The following NBEA variants were observed in gnomAD, a reference collection of about 807,000 sequenced individuals.
The protein encoded by NBEA is lysosomal-trafficking regulator 2.
NBEA carries 44 observed loss-of-function variants against 343.4 expected under a neutral mutation model. The observed-to-expected ratio is 0.13, with a 90% confidence interval of 0.10 to 0.16. The LOEUF (loss-of-function observed/expected upper bound fraction) is 0.16, where lower values mean the gene tolerates loss of function less well. Among genes scored for constraint, NBEA ranks in the 10% least tolerant of loss-of-function variants. NBEA has a pLI of 1.00. For synonymous variants in NBEA, 1,175 were observed against 1,238.7 expected (o/e 0.95, Z 1.08); for missense variants, 2,555 against 3,631.3 (o/e 0.70, Z 7.62).
chr13:35,452,013 G>A, intron 39 of NBEA, 79 bp from the exon 40 acceptor site: 2 of 963,812 alleles, frequency 2.1e-6, no homozygotes, highest in African/African-American at 1.7e-5. Context: ...ATTTAATAAA[G>A]CAATCAATTA....
chr13:35,504,388 C>G (rs2076995030), intron 41 of NBEA, among the ~76,000 whole-genome samples: 1 of 152,096 alleles, frequency 6.6e-6, no homozygotes, highest in African/African-American at 2.4e-5. Context: ...CTTCCTTTCC[C>G]TGAAACCTTA....
At chr13:35,298,061 A>G (rs1355979462) in intron 35 of NBEA, among the ~76,000 whole-genome samples, 1 of 151,638 alleles carries the variant, frequency 6.6e-6, no homozygotes, top group Non-Finnish European at 1.5e-5. Context: ...CAATAACATA[A>G]GCCATCAGTT....
intron 38 of NBEA, among the ~76,000 whole-genome samples, chr13:35,370,006 A>T (rs1427575030): frequency 6.6e-6 from 1 of 151,916 alleles, no homozygotes; most frequent in Non-Finnish European, 1.5e-5. Context: ...TTCCATAGCT[A>T]TTGGATGAAA....
intron 9 of NBEA, 130 bp downstream of exon 9, chr13:35,070,235 T>G (rs2063813319): frequency 7.1e-6 from 6 of 841,128 alleles, no homozygotes; most frequent in Non-Finnish European, 1.0e-5. Context: ...GCAGATCTTT[T>G]AAGTGAAACT....
intron 38 of NBEA, among the ~76,000 whole-genome samples, chr13:35,365,154 A>T (rs993813794): frequency 1.3e-5 from 2 of 151,758 alleles, no homozygotes; most frequent in African/African-American, 4.8e-5. Flanking sequence ...TAAAATATGT[A>T]GATTTTTACA....
At chr13:35,666,051 G>A (rs907808641) in intron 56 of NBEA, among the ~76,000 whole-genome samples, 2 of 152,190 alleles carry the variant, frequency 1.3e-5, no homozygotes, top group South Asian at 4.1e-4. Flanking sequence ...GATGCTTGGA[G>A]AAACTGAAAG....
At chr13:35,199,395 C>T (rs2072859489) in intron 31 of NBEA, among the ~76,000 whole-genome samples, 1 of 152,102 alleles carries the variant, frequency 6.6e-6, no homozygotes, top group Admixed American at 6.6e-5. Flanking sequence ...AACACAGAAT[C>T]TATCATGGGT....
intron 34 of NBEA, among the ~76,000 whole-genome samples, chr13:35,257,070 G>A (rs986259387): frequency 6.6e-6 from 1 of 152,224 alleles, no homozygotes; most frequent in Non-Finnish European, 1.5e-5. Context: ...GGCCACTCCA[G>A]ATGGGCCACT....
intron 43 of NBEA, among the ~76,000 whole-genome samples, chr13:35,552,191 C>G (rs2079359737): frequency 6.6e-6 from 1 of 152,304 alleles, no homozygotes; most frequent in African/African-American, 2.4e-5. Context: ...TGTCTATCCT[C>G]CCTTAAATAG....
intron 43 of NBEA, among the ~76,000 whole-genome samples, chr13:35,552,597 T>G (rs939811726): frequency 3.3e-5 from 5 of 152,316 alleles, no homozygotes; most frequent in Non-Finnish European, 5.9e-5. Flanking sequence ...TGTTTAATCA[T>G]CAATTCAAGA....
chr13:35,085,975 C>T (rs1291291655), intron 10 of NBEA, among the ~76,000 whole-genome samples: 1 of 152,112 alleles, frequency 6.6e-6, no homozygotes, highest in Non-Finnish European at 1.5e-5. Flanking sequence ...AACTCCCATT[C>T]ACAATTGCTT....
At chr13:35,655,794 T>G in intron 55 of NBEA, 45 bp downstream of exon 55, 1 of 1,517,148 alleles carries the variant, frequency 6.6e-7, no homozygotes, top group Non-Finnish European at 8.9e-7. Flanking sequence ...ATAGTTTATT[T>G]AAATATATTT....
chr13:35,391,414 A>G (rs1392791087), intron 38 of NBEA, among the ~76,000 whole-genome samples: 1 of 152,192 alleles, frequency 6.6e-6, no homozygotes, highest in African/African-American at 2.4e-5. Flanking sequence ...AGAATTTGAA[A>G]TTGTAGTTAT....
intron 35 of NBEA, among the ~76,000 whole-genome samples, chr13:35,303,584 TAAAC>T (rs2036692633): frequency 6.6e-6 from 1 of 152,124 alleles, no homozygotes; most frequent in South Asian, 2.1e-4. Flanking sequence ...ATTTTATACA[TAAAC>T]AAGTACAGGA....
At chr13:35,555,629 A>G (rs989803296) in intron 44 of NBEA, among the ~76,000 whole-genome samples, 1 of 152,102 alleles carries the variant, frequency 6.6e-6, no homozygotes, top group East Asian at 1.9e-4. Context: ...AAAAGGAGGT[A>G]GTGGCTTTGT....
chr13:35,001,135 A>G (rs1180958082), intron 1 of NBEA, among the ~76,000 whole-genome samples: 2 of 152,114 alleles, frequency 1.3e-5, no homozygotes, highest in Non-Finnish European at 2.9e-5. Context: ...TCAAACTTCT[A>G]TTAAAAATAA....
At chr13:35,550,216 C>A (rs1265591606) in intron 41 of NBEA, among the ~76,000 whole-genome samples, 3 of 152,046 alleles carry the variant, frequency 2.0e-5, no homozygotes, top group Non-Finnish European at 4.4e-5. Context: ...TATACAAGAC[C>A]CAAAAGTGAT....
At chr13:35,338,435 C>T (rs2039395193) in intron 36 of NBEA, among the ~76,000 whole-genome samples, 1 of 151,956 alleles carries the variant, frequency 6.6e-6, no homozygotes, top group Admixed American at 6.6e-5. Context: ...CTGAGTATTG[C>T]TGTAACAGTA....
At chr13:35,363,564 T>C (rs1321914847) in intron 38 of NBEA, among the ~76,000 whole-genome samples, 1 of 151,852 alleles carries the variant, frequency 6.6e-6, no homozygotes, top group East Asian at 1.9e-4. Context: ...AGTTCTTATA[T>C]CTTTTGAGAA....
Sources: allele counts gnomAD v4.1 joint callset (sites outside exome capture counted in the v4.1 genomes callset), GRCh38; gene constraint gnomAD v4.1.1; transcripts MANE v1.5; gene names NCBI Gene and HGNC (gene_info 2026-07-23, HGNC 2026-07-21).